DPP6: variants seen among roughly 807,000 people sequenced by gnomAD.
DPP6 encodes the protein A-type potassium channel modulatory protein DPP6.
Under a neutral mutation model 122.6 loss-of-function variants are expected in DPP6, and 69 were observed. The observed-to-expected ratio is 0.56, with a 90% CI of 0.46 to 0.69. The LOEUF is 0.69. Among genes scored for constraint, DPP6 ranks in the 30% least tolerant of loss-of-function variants. The pLI, the probability that DPP6 is intolerant of heterozygous loss-of-function variation, is 0.00. For missense variants in DPP6, 928 were observed against 1,116.9 expected (o/e 0.83, Z 2.41); for synonymous variants, 418 against 433.1 (o/e 0.97, Z 0.43).
At position 154,147,815 on chromosome 7, in the gene DPP6, A is replaced by T. The variant is rs1283439866; in HGVS notation, c.243+94752A>T. On this transcript the variant is annotated intron_variant, in intron 1 of 25. Transcript: ENST00000377770. ...TGCCTCAGCCTCCCAAAGTGCTGGG[A>T]TTACAAGTGTGAGCCGCAGCACCTG... Among the ~76,000 whole-genome samples the T allele has an allele frequency of 9.1e-4, 138 of 151,384 alleles. 1 individual carries two copies. Among genetic ancestry groups the T allele is most frequent in the African/African-American group, 3.2e-3 (129 of 40,768 alleles).
intron 1 of DPP6, among the ~76,000 whole-genome samples, chr7:154,301,906 C>T (rs1160165190): frequency 1.3e-5 from 2 of 151,434 alleles, no homozygotes; most frequent in African/African-American, 2.4e-5. Flanking sequence ...CAACCTCCAC[C>T]TCCCAGGTTC....
chr7:154,015,968 G>A (rs556136006), intron 1 of DPP6, among the ~76,000 whole-genome samples: 2 of 152,160 alleles, frequency 1.3e-5, no homozygotes, highest in African/African-American at 4.8e-5. Context: ...CCTGTTCCTC[G>A]GCCCTTATAA....
intron 1 of DPP6, among the ~76,000 whole-genome samples, chr7:154,336,290 G>T (rs935135436): frequency 1.3e-5 from 2 of 152,176 alleles, no homozygotes; most frequent in African/African-American, 4.8e-5. Flanking sequence ...ACTGCAGGCA[G>T]AAGATGCACG....
intron 1 of DPP6, among the ~76,000 whole-genome samples, chr7:154,261,689 G>T (rs545605705): frequency 7.1e-6 from 1 of 140,444 alleles, no homozygotes; most frequent in Non-Finnish European, 1.6e-5. Context: ...AAACAAATTA[G>T]CAAGAAAAAA....
chr7:154,817,352 C>T lies in DPP6; in HGVS notation c.1666+10240C>T, dbSNP rs185377841. On this transcript the variant is annotated intron_variant, in intron 16 of 25. Transcript: ENST00000377770. Reference sequence around the variant, plus strand: ...CGGATGATGTCATGAAAGTCGTAAGCGATTGATGGATGACGTCACAAAAGT... The same window carrying T: ...CGGATGATGTCATGAAAGTCGTAAGTGATTGATGGATGACGTCACAAAAGT... Among the ~76,000 whole-genome samples the T allele has an allele frequency of 5.9e-5, 9 of 151,864 alleles. No individual in the cohort carries two copies. The East Asian group carries it at 1.4e-3, about 23-fold the overall frequency.
At chr7:154,112,318 G>C (rs1450115121) in intron 1 of DPP6, among the ~76,000 whole-genome samples, 1 of 151,890 alleles carries the variant, frequency 6.6e-6, no homozygotes, top group Non-Finnish European at 1.5e-5. Flanking sequence ...GGAAATCTAG[G>C]ATGCTGTTTA....
chr7:154,372,869 G>C (rs1417304693), intron 1 of DPP6, among the ~76,000 whole-genome samples: 3 of 152,162 alleles, frequency 2.0e-5, no homozygotes, highest in Admixed American at 6.5e-5. Context: ...AGGTGTGCTT[G>C]GTTACAGACC....
the DPP6 span, among the ~76,000 whole-genome samples, chr7:153,760,477 T>C: frequency 6.6e-6 from 1 of 152,150 alleles, no homozygotes; most frequent in East Asian, 1.9e-4. Flanking sequence ...GTGAATTTTA[T>C]CTTGTACATG....
At chr7:154,802,792 G>A (rs1313453203) in intron 13 of DPP6, among the ~76,000 whole-genome samples, 2 of 149,932 alleles carry the variant, frequency 1.3e-5, no homozygotes, top group African/African-American at 5.0e-5. Context: ...AGCTGAGATC[G>A]TGCCACTGCA....
chr7:154,655,548 A>G (rs528559739), intron 6 of DPP6, among the ~76,000 whole-genome samples: 12 of 152,388 alleles, frequency 7.9e-5, no homozygotes, highest in African/African-American at 2.6e-4. Flanking sequence ...GCCACTACAT[A>G]GCCCCAAAGT....
chr7:154,671,327 A>G (rs1017930652), intron 7 of DPP6, among the ~76,000 whole-genome samples: 1 of 152,194 alleles, frequency 6.6e-6, no homozygotes, highest in Non-Finnish European at 1.5e-5. Context: ...ACCTGGCCTC[A>G]TCACCCCACT....
chr7:154,164,767 T>G (rs1021170776), intron 1 of DPP6, among the ~76,000 whole-genome samples: 10 of 152,316 alleles, frequency 6.6e-5, no homozygotes, highest in African/African-American at 2.4e-4. Flanking sequence ...TTTTCAAGAT[T>G]CATCTGTGTT....
chr7:154,479,080 G>T (rs186484240), intron 3 of DPP6, among the ~76,000 whole-genome samples: 1 of 152,280 alleles, frequency 6.6e-6, no homozygotes, highest in Admixed American at 6.5e-5. Flanking sequence ...AATGTGTTAG[G>T]TTGGAATTGA....
intron 3 of DPP6, among the ~76,000 whole-genome samples, chr7:154,503,219 T>C (rs1825397298): frequency 1.3e-5 from 2 of 152,232 alleles, no homozygotes; most frequent in Admixed American, 1.3e-4. Context: ...TAGCCCTTTG[T>C]ATGTTTGTCC....
chr7:154,349,509 T>C (rs1810674865), intron 1 of DPP6, among the ~76,000 whole-genome samples: 1 of 152,190 alleles, frequency 6.6e-6, no homozygotes, highest in Non-Finnish European at 1.5e-5. Flanking sequence ...ACAGAGAAGT[T>C]GACATTTTCA....
In DPP6 at chr7:154,627,189, CTTTT is replaced by C. The variant is rs61163075; in HGVS notation, c.628-10615_628-10612del. ...CACCACGCCTGGCTAATTTTTTTTC[CTTTT>C]TTTTTTTTTTTTTTTTGAGATGGAG... On this transcript the variant is annotated intron_variant, in intron 5 of 25. Coordinates refer to ENST00000377770, the MANE Select transcript of DPP6 (RefSeq NM_130797.4). Among the ~76,000 whole-genome samples, 216 of 103,416 alleles carry C rather than the reference CTTTT, an allele frequency of 2.1e-3. 3 individuals carry two copies. The highest frequency in any genetic ancestry group is 7.2e-3 in the Middle Eastern group (1 of 138). The allele number at this position is 103,416 out of a possible 152,430, so 67.8% of individuals were successfully genotyped here.
the DPP6 span, among the ~76,000 whole-genome samples, chr7:153,838,291 G>A: frequency 1.3e-5 from 2 of 152,132 alleles, no homozygotes; most frequent in African/African-American, 2.4e-5. Flanking sequence ...CACAAACCCA[G>A]TGGAAGGGTG....
chr7:154,451,110 C>T (rs1820325295), intron 2 of DPP6, among the ~76,000 whole-genome samples: 1 of 152,034 alleles, frequency 6.6e-6, no homozygotes, highest in Admixed American at 6.6e-5. Flanking sequence ...TGCCTGTAAT[C>T]CCAGCACTTT....
At chr7:153,784,759 T>C in the DPP6 span, among the ~76,000 whole-genome samples, 9 of 152,320 alleles carry the variant, frequency 5.9e-5, no homozygotes, top group African/African-American at 2.2e-4. Context: ...GGTTTTCTTC[T>C]TCATAAAGCT....
Sources: allele counts gnomAD v4.1 joint callset (sites outside exome capture counted in the v4.1 genomes callset), GRCh38; gene constraint gnomAD v4.1.1; transcripts MANE v1.5; gene names NCBI Gene and HGNC (gene_info 2026-07-23, HGNC 2026-07-21).